The following STAU2 variants were observed in gnomAD, a reference collection of about 807,000 sequenced individuals.
STAU2 encodes the protein double-stranded RNA-binding protein Staufen homolog 2.
Under a neutral mutation model 65.9 loss-of-function variants are expected in STAU2, and 20 were observed. The ratio of observed to expected loss-of-function variants is 0.30; its 90% confidence interval spans 0.21 to 0.44. The LOEUF is 0.44. Among genes scored for constraint, STAU2 ranks in the 20% least tolerant of loss-of-function variants. The pLI is 1.00. For missense variants in STAU2, 558 were observed against 683.9 expected (o/e 0.82, Z 2.05); for synonymous variants, 232 against 233.9 (o/e 0.99, Z 0.07).
At chr8:73,739,720 G>A in intron 2 of STAU2, 36 bp downstream of exon 2, 17 of 1,466,500 alleles carry the variant, frequency 1.2e-5, no homozygotes, top group Non-Finnish European at 1.5e-5. Context: ...CTGGATATTG[G>A]TGAATTTGAG....
At chr8:73,700,176 T>G (rs907423554) in intron 4 of STAU2, among the ~76,000 whole-genome samples, 6 of 152,080 alleles carry the variant, frequency 3.9e-5, no homozygotes, top group Non-Finnish European at 7.4e-5. Context: ...TGCCTGAACA[T>G]AATAAAAGCC....
intron 13 of STAU2, among the ~76,000 whole-genome samples, chr8:73,480,949 G>C (rs1469844853): frequency 6.6e-6 from 1 of 152,076 alleles, no homozygotes; most frequent in Admixed American, 6.6e-5. Flanking sequence ...CATTCACTCT[G>C]ACATCGTTTA....
At chr8:73,648,274 C>T (rs974511540) in intron 6 of STAU2, among the ~76,000 whole-genome samples, 1 of 152,072 alleles carries the variant, frequency 6.6e-6, no homozygotes, top group African/African-American at 2.4e-5. Context: ...AGAAAAAATA[C>T]GTTCTGAAGT....
chr8:73,468,602 T>C (rs986691405), intron 13 of STAU2, among the ~76,000 whole-genome samples: 2 of 152,072 alleles, frequency 1.3e-5, no homozygotes, highest in African/African-American at 2.4e-5. Context: ...CTCAAACAAA[T>C]TTACAAGAAA....
rs966055201 is a variant in STAU2 at position 73,436,655 on chromosome 8, C to T, written c.1531-13953G>A. Among the ~76,000 whole-genome samples the T allele has an allele frequency of 7.3e-5, 11 of 151,672 alleles. No individual in the cohort carries two copies. The South Asian group carries it at 1.7e-3, about 23-fold the overall frequency. ...AGGCTGGAGTGCAGTGGCGCGATCT[C>T]GGCTCACTGCAACCTCCACCTCCTG... On this transcript the variant is annotated intron_variant, in intron 13 of 14. Coordinates refer to ENST00000524300, the MANE Select transcript of STAU2 (RefSeq NM_001164380.2).
chr8:73,494,654 GT>G (rs1413037423), intron 13 of STAU2, among the ~76,000 whole-genome samples: 1 of 151,576 alleles, frequency 6.6e-6, no homozygotes, highest in African/African-American at 2.4e-5. Flanking sequence ...GGATATTGAA[GT>G]TTTCCACATT....
chr8:73,498,525 G>A (rs527310797), intron 13 of STAU2, among the ~76,000 whole-genome samples: 1 of 151,646 alleles, frequency 6.6e-6, no homozygotes, highest in Admixed American at 6.6e-5. Context: ...CTTCCTTGGG[G>A]TGACATAAAA....
Position 73,450,958 on chromosome 8 carries a change from T to C in STAU2, c.1531-28256A>G, listed in dbSNP as rs558746517. ...CTCCTGCTCTTTTAGGATGTTTGTG[T>C]ATACACACCCTAATGCCAGCACATG... On this transcript the variant is annotated intron_variant, in intron 13 of 14. Transcript: ENST00000524300. Among the ~76,000 whole-genome samples, 3 of 152,322 alleles carry C rather than the reference T, an allele frequency of 2.0e-5. 1 individual carries two copies. The South Asian group carries it at 6.2e-4, about 32-fold the overall frequency.
chr8:73,517,398 C>T (rs969969974), intron 13 of STAU2, among the ~76,000 whole-genome samples: 4 of 151,872 alleles, frequency 2.6e-5, no homozygotes, highest in Non-Finnish European at 4.4e-5. Flanking sequence ...GCACTCCACC[C>T]TGGGCAACAG....
At chr8:73,635,531 A>C (rs1446772255) in intron 6 of STAU2, among the ~76,000 whole-genome samples, 1 of 152,150 alleles carries the variant, frequency 6.6e-6, no homozygotes, top group Non-Finnish European at 1.5e-5. Flanking sequence ...GAAATATTAG[A>C]AATAAAAATC....
intron 13 of STAU2, among the ~76,000 whole-genome samples, chr8:73,434,011 T>C (rs1219052055): frequency 6.6e-6 from 1 of 151,776 alleles, no homozygotes; most frequent in Non-Finnish European, 1.5e-5. Context: ...AGGGACTCTG[T>C]GCATGAGATG....
At chr8:73,579,442 T>A (rs1303304880) in intron 12 of STAU2, among the ~76,000 whole-genome samples, 1 of 152,142 alleles carries the variant, frequency 6.6e-6, no homozygotes, top group Non-Finnish European at 1.5e-5. Context: ...TGCTTTTAAG[T>A]AAAAGCCTGT....
intron 5 of STAU2, among the ~76,000 whole-genome samples, chr8:73,682,694 A>T (rs1280015056): frequency 6.6e-6 from 1 of 152,136 alleles, no homozygotes; most frequent in Non-Finnish European, 1.5e-5. Flanking sequence ...CTTTGAAAAG[A>T]TAAACAAAAT....
chr8:73,604,037 C>G (rs1811833115), intron 9 of STAU2, among the ~76,000 whole-genome samples, 174 bp from the exon 10 acceptor site: 1 of 151,960 alleles, frequency 6.6e-6, no homozygotes, highest in African/African-American at 2.4e-5. Context: ...GACCTGTAAC[C>G]AAGGCTTCTA....
In STAU2 at chr8:73,669,914, T is replaced by C. The variant is rs143528745; in HGVS notation, c.410+3193A>G. ...GTAATAAATTCACTAGTCAGAACTG[T>C]AGCAAAATTTCAATAAAGGACCACA... On this transcript the variant is annotated intron_variant, in intron 6 of 14. Transcript: ENST00000524300. 4.3e-3 allele frequency among the ~76,000 whole-genome samples: 656 copies of C among 152,268 alleles called. 4 individuals are homozygous for C. The highest frequency in any genetic ancestry group is 0.015 in the African/African-American group (633 of 41,556).
intron 6 of STAU2, among the ~76,000 whole-genome samples, chr8:73,643,150 T>C (rs934377033): frequency 3.9e-5 from 6 of 152,202 alleles, no homozygotes; most frequent in African/African-American, 1.4e-4. Flanking sequence ...TCTCAGTAAA[T>C]GGCAGTAACC....
intron 12 of STAU2, among the ~76,000 whole-genome samples, chr8:73,581,244 A>G (rs1219310994): frequency 6.6e-6 from 1 of 152,224 alleles, no homozygotes; most frequent in African/African-American, 2.4e-5. Flanking sequence ...AAAATTGTCA[A>G]GTTAATAACT....
intron 13 of STAU2, among the ~76,000 whole-genome samples, chr8:73,535,624 T>G (rs1806132204): frequency 6.6e-6 from 1 of 152,232 alleles, no homozygotes; most frequent in African/African-American, 2.4e-5. Flanking sequence ...CAGTTTCATG[T>G]CTACCAGAAA....
chr8:73,434,139 G>T (rs972053529), intron 13 of STAU2, among the ~76,000 whole-genome samples: 1 of 151,768 alleles, frequency 6.6e-6, no homozygotes, highest in African/African-American at 2.4e-5. Context: ...GAAAGATGTG[G>T]CTAGGGACAA....
Sources: allele counts gnomAD v4.1 joint callset (sites outside exome capture counted in the v4.1 genomes callset), GRCh38; gene constraint gnomAD v4.1.1; transcripts MANE v1.5; gene names NCBI Gene and HGNC (gene_info 2026-07-23, HGNC 2026-07-21).